Variants in EYS observed in about 807,000 individuals in gnomAD.
The protein encoded by EYS is protein eyes shut homolog.
In EYS, 250 loss-of-function variants were observed where a neutral mutation model predicts 282.1. The observed-to-expected ratio is 0.89, with a 90% confidence interval of 0.80 to 0.98. The LOEUF is 0.98. Ranked by LOEUF, EYS falls within the 50% of genes least tolerant of loss-of-function variation. The pLI is 0.00. For synonymous variants in EYS, 1,355 were observed against 1,282.9 expected (o/e 1.06, Z -1.20); for missense variants, 4,016 against 3,709.0 (o/e 1.08, Z -2.15).
At chr6:64,228,517 CAT>C (rs1406450111) in intron 31 of EYS, among the ~76,000 whole-genome samples, 1 of 151,978 alleles carries the variant, frequency 6.6e-6, no homozygotes, top group African/African-American at 2.4e-5. Context: ...AAATATTAGT[CAT>C]AGTGTCTGAT....
At chr6:64,883,077 T>A (rs1396924915) in intron 19 of EYS, among the ~76,000 whole-genome samples, 2 of 151,534 alleles carry the variant, frequency 1.3e-5, no homozygotes, top group East Asian at 3.9e-4. Flanking sequence ...ATAATATCTT[T>A]ACAATAACCA....
At chr6:64,306,723 T>G (rs1178480944) in intron 30 of EYS, among the ~76,000 whole-genome samples, 1 of 152,204 alleles carries the variant, frequency 6.6e-6, no homozygotes, top group Non-Finnish European at 1.5e-5. Flanking sequence ...TGACTCATTA[T>G]TTGTTGGATG....
intron 21 of EYS, among the ~76,000 whole-genome samples, chr6:64,819,566 G>A (rs1764838639): frequency 1.3e-5 from 2 of 151,880 alleles, no homozygotes; most frequent in Admixed American, 1.3e-4. Flanking sequence ...CATTAAGTTA[G>A]ATTCCTAGCT....
Position 63,789,226 on chromosome 6 carries a change from T to C in EYS, c.7412-2A>G, listed in dbSNP as rs2149670951. ...CCAGGAAGTCATCGCCATTCAACCCTGGAATGAGAAGACACATGGGGAATG... is the reference window on the plus strand; with the variant it reads ...CCAGGAAGTCATCGCCATTCAACCCCGGAATGAGAAGACACATGGGGAATG... On this transcript the variant is annotated splice_acceptor_variant, in intron 37 of 42. Transcript: ENST00000503581. LOFTEE classifies it high-confidence loss of function. 1 of 1,550,916 alleles carries C rather than the reference T, an allele frequency of 6.4e-7. No individual in the cohort carries two copies. The highest frequency in any genetic ancestry group is 8.7e-7 in the Non-Finnish European group (1 of 1,146,542).
At chr6:65,038,307 T>A (rs968321404) in intron 13 of EYS, among the ~76,000 whole-genome samples, 2 of 151,534 alleles carry the variant, frequency 1.3e-5, no homozygotes, top group Admixed American at 6.6e-5. Flanking sequence ...ACAATTTTTT[T>A]AATGTTTTTC....
intron 30 of EYS, among the ~76,000 whole-genome samples, chr6:64,283,874 C>A (rs1447004392): frequency 6.6e-6 from 1 of 152,138 alleles, no homozygotes; most frequent in Non-Finnish European, 1.5e-5. Context: ...GAGACTTATT[C>A]ACTACCACAA....
At chr6:65,349,092 T>C (rs1300241041) in intron 9 of EYS, among the ~76,000 whole-genome samples, 3 of 151,652 alleles carry the variant, frequency 2.0e-5, no homozygotes, top group African/African-American at 7.2e-5. Flanking sequence ...ATGTTAATTA[T>C]TAAATAGTCC....
intron 30 of EYS, among the ~76,000 whole-genome samples, chr6:64,264,400 C>T (rs115724509): frequency 1.3e-5 from 2 of 152,224 alleles, no homozygotes; most frequent in Non-Finnish European, 2.9e-5. Context: ...GTTAGGACTA[C>T]TGATTTCTGT....
intron 39 of EYS, among the ~76,000 whole-genome samples, chr6:63,781,485 C>T (rs919641377): frequency 6.6e-6 from 1 of 152,044 alleles, no homozygotes; most frequent in Non-Finnish European, 1.5e-5. Context: ...AGTTGGATTC[C>T]TAGGTATTTT....
At chr6:65,527,177 CT>C in intron 2 of EYS, among the ~76,000 whole-genome samples, 1 of 152,302 alleles carries the variant, frequency 6.6e-6, no homozygotes, top group East Asian at 1.9e-4. Context: ...GCAACAACCT[CT>C]TGTGGCCTAG....
intron 35 of EYS, among the ~76,000 whole-genome samples, chr6:63,900,857 C>T (rs147288263): frequency 6.6e-6 from 1 of 152,036 alleles, no homozygotes; most frequent in Non-Finnish European, 1.5e-5. Flanking sequence ...CTGGAGGAGA[C>T]AGACGTCATA....
intron 12 of EYS, among the ~76,000 whole-genome samples, chr6:65,096,196 G>A (rs1353359706): frequency 6.6e-6 from 1 of 150,408 alleles, no homozygotes; most frequent in African/African-American, 2.4e-5. Flanking sequence ...AATCAGTTGT[G>A]TTTTTATATA....
intron 22 of EYS, among the ~76,000 whole-genome samples, chr6:64,668,543 CTTTTTT>C (rs35765768): frequency 1.3e-4 from 10 of 76,154 alleles, no homozygotes; most frequent in Non-Finnish European, 1.7e-4. Context: ...TACCACAATT[CTTTTTT>C]TTTTTTTTTT....
At position 65,156,407 on chromosome 6, in the gene EYS, A is replaced by T. The variant is rs188133270; in HGVS notation, c.2024-98680T>A. Reference sequence around the variant, plus strand: ...GACTATAAATTATATATCCTCTCATATTGTTCCTGTTCCCATATTTTCTGG... The same window carrying T: ...GACTATAAATTATATATCCTCTCATTTTGTTCCTGTTCCCATATTTTCTGG... On this transcript the variant is annotated intron_variant, in intron 12 of 42. Transcript: ENST00000503581. Among the ~76,000 whole-genome samples the T allele has an allele frequency of 3.3e-5, 5 of 151,098 alleles. No individual in the cohort carries two copies. The East Asian group carries it at 9.8e-4, about 30-fold the overall frequency.
intron 12 of EYS, among the ~76,000 whole-genome samples, chr6:65,113,730 C>G (rs1775287961): frequency 7.1e-6 from 1 of 140,230 alleles, no homozygotes; most frequent in Non-Finnish European, 1.5e-5. Flanking sequence ...ATTGGGAAGA[C>G]AAAGCAATTT....
intron 36 of EYS, among the ~76,000 whole-genome samples, chr6:63,829,467 A>G (rs1160782224): frequency 6.6e-6 from 1 of 152,210 alleles, no homozygotes; most frequent in African/African-American, 2.4e-5. Context: ...GCTCACTGCT[A>G]GCACAGCAGT....
At chr6:64,082,398 G>A (rs1305304577) in intron 31 of EYS, among the ~76,000 whole-genome samples, 1 of 152,002 alleles carries the variant, frequency 6.6e-6, no homozygotes, top group African/African-American at 2.4e-5. Flanking sequence ...TACATTGTAG[G>A]TATATATATT....
intron 24 of EYS, among the ~76,000 whole-genome samples, chr6:64,612,236 A>G (rs1302218954): frequency 1.3e-5 from 2 of 152,088 alleles, no homozygotes; most frequent in Admixed American, 6.6e-5. Context: ...CTTCCACACT[A>G]TATAAACATC....
chr6:65,476,998 G>T (rs1409123916), intron 5 of EYS, among the ~76,000 whole-genome samples: 1 of 152,084 alleles, frequency 6.6e-6, no homozygotes, highest in Non-Finnish European at 1.5e-5. Context: ...AACATTCTAA[G>T]AAATCCAGTA....
Sources: gnomAD v4.1 joint callset for allele counts (sites outside exome capture counted in the v4.1 genomes callset) on GRCh38, gnomAD v4.1.1 for gene constraint, MANE v1.5 for transcripts, NCBI Gene and HGNC (gene_info 2026-07-23, HGNC 2026-07-21) for gene names.